TFDP2: variants seen among roughly 807,000 people sequenced by gnomAD.
TFDP2 encodes the protein transcription factor Dp-2.
TFDP2 carries 17 observed loss-of-function variants against 59.3 expected under a neutral mutation model. The ratio of observed to expected loss-of-function variants is 0.29; its 90% CI spans 0.20 to 0.43. The LOEUF (loss-of-function observed/expected upper bound fraction) is 0.43. Among genes scored for constraint, TFDP2 ranks in the 20% least tolerant of loss-of-function variants. TFDP2 has a pLI of 1.00. For synonymous variants in TFDP2, 180 were observed against 194.7 expected (o/e 0.92, Z 0.63); for missense variants, 391 against 528.8 (o/e 0.74, Z 2.56).
intron 6 of TFDP2, 81 bp downstream of exon 6, chr3:141,993,457 A>G: frequency 1.2e-6 from 1 of 840,414 alleles, no homozygotes. Flanking sequence ...AAAACATCGC[A>G]TTAAACCAGA....
chr3:142,068,134 G>C (rs115460306), intron 3 of TFDP2, among the ~76,000 whole-genome samples: 3,758 of 151,712 alleles, frequency 0.025, 83 homozygotes, highest in Non-Finnish European at 0.04. Context: ...TAAAAATATG[G>C]TCAACTAATC....
At chr3:141,996,666 G>C (rs2108209168) in intron 4 of TFDP2, among the ~76,000 whole-genome samples, 1 of 152,240 alleles carries the variant, frequency 6.6e-6, no homozygotes, top group East Asian at 1.9e-4. Flanking sequence ...GCATTTGAAG[G>C]AAAGAGTCAA....
At chr3:141,987,295 G>T (rs867067793) in intron 6 of TFDP2, among the ~76,000 whole-genome samples, 16 of 119,808 alleles carry the variant, frequency 1.3e-4, no homozygotes, top group Admixed American at 3.3e-4. Context: ...GTGTGTGTGT[G>T]TGTTTTAGCC....
chr3:142,029,021 A>T (rs949746829), intron 3 of TFDP2: 1 of 152,642 alleles, frequency 6.6e-6, no homozygotes, highest in Admixed American at 6.5e-5. Flanking sequence ...TAACTAACTT[A>T]AAAAATAAGA....
intron 7 of TFDP2, among the ~76,000 whole-genome samples, chr3:141,977,128 TC>T (rs10582248): frequency 7.6e-4 from 84 of 110,758 alleles, no homozygotes; most frequent in African/African-American, 3.0e-3. Flanking sequence ...TTTTTTTTTT[TC>T]CCCCCAAAGA....
At chr3:141,983,219 G>C (rs1422299752) in intron 6 of TFDP2, among the ~76,000 whole-genome samples, 1 of 152,176 alleles carries the variant, frequency 6.6e-6, no homozygotes, top group East Asian at 1.9e-4. Flanking sequence ...TGAGAGATTT[G>C]GTCCTGCAAC....
In TFDP2 at chr3:141,979,777, C is replaced by T. The variant is rs149420622; in HGVS notation, c.357-1095G>A. ...CTAATTTTTGTACTTTTAGTAGAGACGGGGTTTCATCATGTTGGCCAGGCT... is the reference window on the plus strand; with the variant it reads ...CTAATTTTTGTACTTTTAGTAGAGATGGGGTTTCATCATGTTGGCCAGGCT... On this transcript the variant is annotated intron_variant, in intron 6 of 12. Coordinates refer to ENST00000489671, the MANE Select transcript of TFDP2 (RefSeq NM_001178139.2). Among the ~76,000 whole-genome samples, 91 of 152,162 alleles carry T rather than the reference C, an allele frequency of 6.0e-4. No individual in the cohort carries two copies. In the East Asian group the frequency reaches 0.016, roughly 27 times the overall value.
intron 3 of TFDP2, among the ~76,000 whole-genome samples, chr3:142,021,570 T>C (rs1945609568): frequency 6.6e-6 from 1 of 152,228 alleles, no homozygotes; most frequent in Non-Finnish European, 1.5e-5. Context: ...CCTGTTCTCT[T>C]GGCTTTGTTG....
intron 3 of TFDP2, among the ~76,000 whole-genome samples, chr3:142,062,401 A>ATATATATG (rs1452927187): frequency 2.8e-5 from 4 of 144,004 alleles, no homozygotes; most frequent in African/African-American, 7.7e-5. Flanking sequence ...TATAATATAT[A>ATATATATG]TGTGTGTGTG....
chr3:142,001,601 A>C (rs760173361), intron 4 of TFDP2, among the ~76,000 whole-genome samples: 2 of 152,200 alleles, frequency 1.3e-5, no homozygotes, highest in Non-Finnish European at 2.9e-5. Flanking sequence ...TGTTCTCTCC[A>C]AAACATGCTT....
chr3:142,130,083 A>G (rs1332832754), intron 1 of TFDP2, among the ~76,000 whole-genome samples: 1 of 152,092 alleles, frequency 6.6e-6, no homozygotes, highest in Non-Finnish European at 1.5e-5. Context: ...GCATATACCC[A>G]TATACTTTTG....
intron 3 of TFDP2, among the ~76,000 whole-genome samples, chr3:142,077,050 G>C (rs1206663903): frequency 1.3e-5 from 2 of 152,114 alleles, no homozygotes; most frequent in Non-Finnish European, 2.9e-5. Context: ...GGGAGGGAGA[G>C]CTCAGTGACT....
At chr3:142,080,112 C>T (rs369228593) in intron 3 of TFDP2, among the ~76,000 whole-genome samples, 52 of 152,196 alleles carry the variant, frequency 3.4e-4, no homozygotes, top group African/African-American at 1.2e-3. Flanking sequence ...TACAGATGCA[C>T]GCTACCATGC....
At chr3:142,115,701 T>C (rs534135220) in intron 1 of TFDP2, among the ~76,000 whole-genome samples, 1 of 152,366 alleles carries the variant, frequency 6.6e-6, no homozygotes, top group East Asian at 1.9e-4. Context: ...TTAGTCTTGT[T>C]CAATAGTATC....
intron 1 of TFDP2, among the ~76,000 whole-genome samples, chr3:142,133,135 G>C (rs187914934): frequency 6.7e-6 from 1 of 150,252 alleles, no homozygotes; most frequent in Non-Finnish European, 1.5e-5. Flanking sequence ...TGGCACAGGT[G>C]CATGAATAGA....
chr3:142,002,729 T>A (rs1025937390), intron 4 of TFDP2, among the ~76,000 whole-genome samples: 1 of 152,204 alleles, frequency 6.6e-6, no homozygotes. Flanking sequence ...CTGCCCATTA[T>A]CCAGTTCCAA....
At chr3:142,074,536 G>A (rs536292652) in intron 3 of TFDP2, among the ~76,000 whole-genome samples, 39 of 151,480 alleles carry the variant, frequency 2.6e-4, no homozygotes, top group Admixed American at 2.0e-3. Context: ...AATAGAGCAA[G>A]ACCCCATCTC....
At chr3:142,057,330 T>C (rs1415215939) in intron 3 of TFDP2, among the ~76,000 whole-genome samples, 1 of 151,620 alleles carries the variant, frequency 6.6e-6, no homozygotes, top group East Asian at 1.9e-4. Context: ...CTTGAGAGAG[T>C]TGTGTGAAAA....
At chr3:142,132,044 A>G (rs963892788) in intron 1 of TFDP2, among the ~76,000 whole-genome samples, 2 of 150,000 alleles carry the variant, frequency 1.3e-5, no homozygotes, top group Non-Finnish European at 2.9e-5. Flanking sequence ...ACCTTGTATA[A>G]AAATGTTCAT....
Sources: allele counts gnomAD v4.1 joint callset (sites outside exome capture counted in the v4.1 genomes callset), GRCh38; gene constraint gnomAD v4.1.1; transcripts MANE v1.5; gene names NCBI Gene and HGNC (gene_info 2026-07-23, HGNC 2026-07-21).